IL9R: variants seen among roughly 807,000 people sequenced by gnomAD.
IL9R encodes interleukin 9 receptor.
Under a neutral mutation model 56.3 loss-of-function variants are expected in IL9R, and 54 were observed. That is an observed-to-expected ratio of 0.96 (90% CI 0.77 to 1.20). IL9R has a LOEUF of 1.20. Among genes scored for constraint, IL9R ranks in the 50% most tolerant of loss-of-function variants. The pLI is 0.00. For missense variants in IL9R, 545 were observed against 629.8 expected (o/e 0.87, Z 1.44); for synonymous variants, 212 against 250.2 (o/e 0.85, Z 1.44).
chrX:156,009,262 GTGTTTGTGTGTGTA>G (rs2068293421), intron 8 of IL9R, among the ~76,000 whole-genome samples: 1 of 47,770 alleles, frequency 2.1e-5, no homozygotes, highest in East Asian at 5.2e-4. Flanking sequence ...CTGTGTGTGT[GTGTTTGTGTGTGTA>G]TGTCTGTGTG....
At chrX:156,001,469 G>A in intron 1 of IL9R, 1 of 1,610,012 alleles carries the variant, frequency 6.2e-7, no homozygotes, top group Non-Finnish European at 8.5e-7. Context: ...TTCATGCTGT[G>A]GCTGGTGGTT....
intron 5 of IL9R, 148 bp from the exon 6 acceptor site, chrX:156,005,130 T>C (rs924891916): frequency 4.4e-6 from 3 of 685,930 alleles, no homozygotes; most frequent in South Asian, 3.5e-5. Context: ...TGTGTGTGTG[T>C]GCACGTGAAT....
chrX:156,005,641 G>A (rs2067880458), intron 6 of IL9R, among the ~76,000 whole-genome samples, 162 bp downstream of exon 6: 1 of 152,150 alleles, frequency 6.6e-6, no homozygotes, highest in African/African-American at 2.4e-5. Flanking sequence ...GGTCTGTAGG[G>A]AGGACAGAAA....
At chrX:156,006,839 A>G (rs1262807128) in intron 7 of IL9R, among the ~76,000 whole-genome samples, 6 of 150,672 alleles carry the variant, frequency 4.0e-5, no homozygotes, top group East Asian at 2.0e-4. Flanking sequence ...TTTGAGGAAT[A>G]GATTGCTGGG....
chrX:156,001,521 G>C (rs370520865), intron 1 of IL9R: 107 of 1,560,054 alleles, frequency 6.9e-5, no homozygotes, highest in Non-Finnish European at 8.8e-5. Flanking sequence ...GAGGCTTCCT[G>C]ATCATCAGTC....
intron 7 of IL9R, among the ~76,000 whole-genome samples, 188 bp downstream of exon 7, chrX:156,006,376 G>T (rs866402191): frequency 1.5e-5 from 2 of 137,228 alleles, no homozygotes; most frequent in Admixed American, 7.3e-5. Context: ...TGGGCTTTTC[G>T]AGTCTCCACC....
intron 1 of IL9R, among the ~76,000 whole-genome samples, chrX:156,001,680 GTAATCAGTCTTGTA>G (rs2067540485): frequency 6.6e-6 from 1 of 151,268 alleles, no homozygotes; most frequent in Non-Finnish European, 1.5e-5. Context: ...CCTCCTATCA[GTAATCAGTCTTGTA>G]TAACCAGGCT....
At position 156,004,561 on chromosome X, in the gene IL9R, G is replaced by A. The variant is rs1222503913; in HGVS notation, c.575G>A (p.Trp192Ter). 9.3e-6 allele frequency: 15 copies of A among 1,612,300 alleles called. No homozygotes were observed. The highest frequency in any genetic ancestry group is 1.3e-5 in the Non-Finnish European group (15 of 1,179,852). The change falls in exon 5 of 9, where the codon TGG becomes TAG. Residue 192 changes from tryptophan (W) to a stop codon, truncating the protein, a stop_gained. Coordinates refer to ENST00000244174, the MANE Select transcript of IL9R (RefSeq NM_002186.3). LOFTEE classifies it high-confidence loss of function. Reference sequence around the variant, plus strand: ...GCCTTCAAGAAGCAGGAAGAGGCCTGGGAGGTAACACTTTGGCTGGCTTTC... The same window carrying A: ...GCCTTCAAGAAGCAGGAAGAGGCCTAGGAGGTAACACTTTGGCTGGCTTTC... ...ELAFKKQEEA[W>*]EQAQHRDHIV... is the part of the protein sequence containing the mutation.
intron 1 of IL9R, among the ~76,000 whole-genome samples, chrX:155,999,829 A>G (rs1211671619): frequency 6.6e-6 from 1 of 152,074 alleles, no homozygotes; most frequent in Non-Finnish European, 1.5e-5. Context: ...GCCCCCATTA[A>G]AAAAGACAAA....
At chrX:156,005,149 T>A (rs1385812065) in intron 5 of IL9R, 129 bp from the exon 6 acceptor site, 23 of 717,114 alleles carry the variant, frequency 3.2e-5, no homozygotes, top group Non-Finnish European at 7.5e-6. Context: ...ATGTGGTGAG[T>A]GTGTCTGTGT....
intron 1 of IL9R, among the ~76,000 whole-genome samples, chrX:156,002,003 G>A (rs992714892): frequency 5.9e-5 from 9 of 152,176 alleles, no homozygotes; most frequent in African/African-American, 1.9e-4. Flanking sequence ...CCTTTCTGGG[G>A]CAGAACAGTT....
Position 156,009,798 on chromosome X carries a change from T to C in IL9R, c.973-18T>C, listed in dbSNP as rs1405861356. ...ACATGCTACCTGAGCCCTTCCCTCC[T>C]CCCGTGCTCTGTTCCAGACTTGGAT... On this transcript the variant is annotated intron_variant, in intron 8 of 8. Coordinates refer to ENST00000244174, the MANE Select transcript of IL9R (RefSeq NM_002186.3). 1 of 1,222,858 alleles carries C rather than the reference T, an allele frequency of 8.2e-7. No individual in the cohort carries two copies. Among genetic ancestry groups the C allele is most frequent in the South Asian group, 1.7e-5 (1 of 57,426 alleles). The allele number at this position is 1,222,858 out of a possible 1,614,324, so 75.8% of individuals were successfully genotyped here. A position where few individuals can be genotyped will look rare whatever the true frequency, so the allele number is the denominator to read the frequency against.
intron 7 of IL9R, among the ~76,000 whole-genome samples, chrX:156,007,211 G>A (rs1453647924): frequency 0.4 from 34 of 86 alleles, no homozygotes; most frequent in Non-Finnish European, 0.34. Flanking sequence ...GGCAAAGACA[G>A]GGTTCCTGGA....
intron 1 of IL9R, among the ~76,000 whole-genome samples, chrX:155,998,578 A>AT (rs970804645): frequency 2.0e-5 from 3 of 151,002 alleles, no homozygotes; most frequent in African/African-American, 4.9e-5. Flanking sequence ...ATTATTATTA[A>AT]TTTTTTTTTG....
intron 1 of IL9R, 136 bp downstream of exon 1, chrX:155,997,923 C>G (rs2067250568): frequency 2.5e-6 from 2 of 806,694 alleles, no homozygotes; most frequent in Admixed American, 2.1e-5. Context: ...GCTTTACCTC[C>G]TCTGGTGTCC....
chrX:156,000,541 C>T (rs955814622), intron 1 of IL9R, among the ~76,000 whole-genome samples: 2 of 152,200 alleles, frequency 1.3e-5, no homozygotes, highest in African/African-American at 4.8e-5. Flanking sequence ...CCAGGCTCCC[C>T]AGCGGGACTG....
intron 2 of IL9R, among the ~76,000 whole-genome samples, chrX:156,003,240 C>T (rs959574603): frequency 1.3e-5 from 2 of 152,102 alleles, no homozygotes; most frequent in African/African-American, 4.8e-5. Flanking sequence ...CCTTCACTCT[C>T]TTGACGCCTC....
intron 2 of IL9R, 137 bp from the exon 3 acceptor site, chrX:156,003,312 G>A: frequency 1.4e-6 from 1 of 717,350 alleles, no homozygotes; most frequent in Non-Finnish European, 2.5e-6. Context: ...GCCTCCCAGT[G>A]CTTCCCTGGA....
At position 156,003,779 on chromosome X, in the gene IL9R, C is replaced by T. The variant is rs781769128; in HGVS notation, c.357C>T (p.Thr119=). Residue 119 remains threonine (T), a synonymous_variant, in exon 4 of 9, where the codon ACC becomes ACT. Coordinates refer to ENST00000244174, the MANE Select transcript of IL9R (RefSeq NM_002186.3). Reference sequence around the variant, plus strand: ...TGCTCGTGCCATCTGACAATTTCACCATCACTTTCCACCACTGCATGTCTG... The same window carrying T: ...TGCTCGTGCCATCTGACAATTTCACTATCACTTTCCACCACTGCATGTCTG... The part of the protein sequence containing the change: ...EAVLVPSDNF[T]ITFHHCMSGR... 6.8e-6 allele frequency: 11 copies of T among 1,614,016 alleles called. No individual in the cohort carries two copies. Among genetic ancestry groups the T allele is most frequent in the African/African-American group, 1.3e-5 (1 of 75,058 alleles).
Sources: gnomAD v4.1 joint callset for allele counts (sites outside exome capture counted in the v4.1 genomes callset) on GRCh38, gnomAD v4.1.1 for gene constraint, MANE v1.5 for transcripts, NCBI Gene and HGNC (gene_info 2026-07-23, HGNC 2026-07-21) for gene names.